MACROH2A1: variants seen among roughly 807,000 people sequenced by gnomAD.
MACROH2A1 encodes the protein core histone macro-H2A.1.
MACROH2A1 carries 2 observed loss-of-function variants against 31.6 expected under a neutral mutation model. The ratio of observed to expected loss-of-function variants is 0.06; its 90% CI spans 0.03 to 0.20. The LOEUF (loss-of-function observed/expected upper bound fraction) is 0.20, where lower values mean the gene tolerates loss of function less well. Ranked by LOEUF, MACROH2A1 falls within the 10% of genes least tolerant of loss-of-function variation. MACROH2A1 has a pLI of 1.00. For synonymous variants in MACROH2A1, 169 were observed against 189.6 expected, an observed-to-expected ratio of 0.89 and a Z score of 0.89; for missense variants, 230 against 474.0, an observed-to-expected ratio of 0.49 and a Z score of 4.78.
In MACROH2A1 at chr5:135,372,345, A is replaced by G. The variant is rs577145104; in HGVS notation, c.173-2203T>C. 1.1e-4 allele frequency among the ~76,000 whole-genome samples: 16 copies of G among 152,340 alleles called. No individual in the cohort carries two copies. The East Asian group carries it at 3.1e-3, about 29-fold the overall frequency. ...GCAAGATAGCCAGTGCTTACATGGA[A>G]TCTGGTGGAGGGGCTCACATTTCCC... On this transcript the variant is annotated intron_variant, in intron 2 of 8. Coordinates refer to ENST00000511689, the MANE Select transcript of MACROH2A1 (RefSeq NM_138610.3).
At chr5:135,366,278 T>A (rs1279110526) in intron 4 of MACROH2A1, among the ~76,000 whole-genome samples, 1 of 152,162 alleles carries the variant, frequency 6.6e-6, no homozygotes, top group Non-Finnish European at 1.5e-5. Context: ...ATATATCACA[T>A]AAGTGACCAG....
At chr5:135,364,798 C>T (rs1763291485) in intron 4 of MACROH2A1, among the ~76,000 whole-genome samples, 1 of 152,208 alleles carries the variant, frequency 6.6e-6, no homozygotes, top group Non-Finnish European at 1.5e-5. Context: ...AGTAGCTTCT[C>T]AAACGAACCA....
At chr5:135,365,048 T>C (rs956438811) in intron 4 of MACROH2A1, among the ~76,000 whole-genome samples, 1 of 152,152 alleles carries the variant, frequency 6.6e-6, no homozygotes, top group Non-Finnish European at 1.5e-5. Context: ...ATCCAAAAGT[T>C]TGGCAAAAAC....
chr5:135,343,126 G>C, intron 8 of MACROH2A1, 134 bp downstream of exon 8: 1 of 1,574,830 alleles, frequency 6.3e-7, no homozygotes, highest in Non-Finnish European at 8.6e-7. Flanking sequence ...ATTCTTCCCT[G>C]TGTTGTGCTT....
intron 2 of MACROH2A1, among the ~76,000 whole-genome samples, chr5:135,388,696 T>G (rs1766770707): frequency 6.6e-6 from 1 of 152,170 alleles, no homozygotes; most frequent in Non-Finnish European, 1.5e-5. Context: ...CAGAAATATC[T>G]ACACATATGC....
At chr5:135,359,776 G>GA in intron 5 of MACROH2A1, 1 of 950,126 alleles carries the variant, frequency 1.1e-6, no homozygotes, top group Non-Finnish European at 1.3e-6. Context: ...AAAAAATTAA[G>GA]AAGAGTTTAA....
chr5:135,354,701 G>A (rs928104752), intron 5 of MACROH2A1: 5 of 249,060 alleles, frequency 2.0e-5, no homozygotes, highest in East Asian at 2.3e-4. Flanking sequence ...GAGTAGGGGT[G>A]TGGGTGGGCA....
intron 5 of MACROH2A1, chr5:135,354,026 C>A (rs1317267301): frequency 6.6e-6 from 1 of 152,258 alleles, no homozygotes; most frequent in African/African-American, 2.4e-5. Flanking sequence ...ACATTGCTCA[C>A]TCTTCAGTAA....
Position 135,335,068 on chromosome 5 carries a change from A to G in MACROH2A1, c.1027T>C (p.Ser343Pro). The G allele has an allele frequency of 1.9e-6, 3 of 1,613,416 alleles. No individual in the cohort carries two copies. The highest frequency in any genetic ancestry group is 2.5e-6 in the Non-Finnish European group (3 of 1,179,304). Residue 343 changes from serine to proline, a missense_variant, in exon 9 of 9, where the codon TCC (serine) becomes CCC (proline). Physicochemically the swap from Ser to Pro is moderately conservative, Grantham distance 74 (BLOSUM62 -1). Coordinates refer to ENST00000511689, the MANE Select transcript of MACROH2A1 (RefSeq NM_138610.3). ...AAGTACACCGTTTTGATGGAAGAGGACATTGTAGACACGAAGTAACTGGAG... is the reference window on the plus strand; with the variant it reads ...AAGTACACCGTTTTGATGGAAGAGGGCATTGTAGACACGAAGTAACTGGAG... ...AISSYFVSTM[S>P]SSIKTVYFVL...
chr5:135,358,802 A>T lies in MACROH2A1; in HGVS notation c.588+1695T>A, dbSNP rs945281619. 9.5e-5 allele frequency: 94 copies of T among 984,934 alleles called. No individual in the cohort carries two copies. The African/African-American group carries it at 1.6e-3, about 17-fold the overall frequency. 61.0% of individuals were successfully genotyped at this position (984,934 alleles called of 1,614,324 possible). On this transcript the variant is annotated intron_variant, in intron 5 of 8. Coordinates refer to ENST00000511689, the MANE Select transcript of MACROH2A1 (RefSeq NM_138610.3). ...TAGGGAACAGTCATTATTAGCCAAA[A>T]TTTTACTCTACTGTACTTTATTTTT...
chr5:135,379,797 A>G (rs1446940261), intron 2 of MACROH2A1, among the ~76,000 whole-genome samples: 2 of 152,124 alleles, frequency 1.3e-5, no homozygotes, highest in Non-Finnish European at 2.9e-5. Context: ...TCCACGGAGG[A>G]CACCTGGGAT....
At chr5:135,387,799 G>A (rs370907203) in intron 2 of MACROH2A1, among the ~76,000 whole-genome samples, 6 of 152,274 alleles carry the variant, frequency 3.9e-5, no homozygotes, top group African/African-American at 1.4e-4. Flanking sequence ...TTGTATCTGT[G>A]AACAGGACCA....
rs191770701 is a variant in MACROH2A1 at position 135,394,194 on chromosome 5, G to A, written c.-34+4868C>T. Among the ~76,000 whole-genome samples the A allele has an allele frequency of 1.2e-4, 18 of 152,282 alleles. 1 individual carries two copies. The highest frequency in any genetic ancestry group is 4.1e-4 in the African/African-American group (17 of 41,548). On this transcript the variant is annotated intron_variant, in intron 1 of 8. Transcript: ENST00000511689. The stretch of plus-strand genomic sequence containing the variant: ...ATCCTAACAGGCTGCTCCCTGCACT[G>A]CAAACCACCTTCATTCCCACTGGCA...
chr5:135,342,474 G>A (rs568537925), intron 8 of MACROH2A1, among the ~76,000 whole-genome samples: 3 of 152,342 alleles, frequency 2.0e-5, no homozygotes, highest in African/African-American at 7.2e-5. Flanking sequence ...CATGTGTGGG[G>A]TGTACAACCA....
chr5:135,337,272 A>G (rs1406773358), intron 8 of MACROH2A1, among the ~76,000 whole-genome samples: 1 of 152,288 alleles, frequency 6.6e-6, no homozygotes, highest in African/African-American at 2.4e-5. Context: ...GCCGGGCTGC[A>G]TGCCCAGGCA....
At chr5:135,364,776 A>C (rs1285432064) in intron 4 of MACROH2A1, among the ~76,000 whole-genome samples, 1 of 152,224 alleles carries the variant, frequency 6.6e-6, no homozygotes, top group East Asian at 1.9e-4. Context: ...AAGGCCAGCA[A>C]ATTTTTCTAA....
intron 2 of MACROH2A1, among the ~76,000 whole-genome samples, chr5:135,381,102 A>G (rs1168054161): frequency 6.6e-6 from 1 of 152,262 alleles, no homozygotes. Flanking sequence ...TGTCTGATAA[A>G]GGTGGCATCT....
chr5:135,343,740 A>C, intron 7 of MACROH2A1: 1 of 377,554 alleles, frequency 2.6e-6, no homozygotes, highest in Non-Finnish European at 4.9e-6. Flanking sequence ...TATCCATCAA[A>C]ACTCAACTGA....
intron 2 of MACROH2A1, among the ~76,000 whole-genome samples, chr5:135,386,832 T>C (rs1304921352): frequency 6.6e-6 from 1 of 152,178 alleles, no homozygotes; most frequent in Non-Finnish European, 1.5e-5. Context: ...AAGAGAAAGC[T>C]AGATGGAAGA....
Sources: allele counts gnomAD v4.1 joint callset (sites outside exome capture counted in the v4.1 genomes callset), GRCh38; gene constraint gnomAD v4.1.1; transcripts MANE v1.5; gene names NCBI Gene and HGNC (gene_info 2026-07-23, HGNC 2026-07-21).